The following B3GNT5 variants were observed in gnomAD, a reference collection of about 807,000 sequenced individuals.
The protein encoded by B3GNT5 is lactosylceramide 1,3-N-acetyl-beta-D-glucosaminyltransferase.
Under a neutral mutation model 25.9 loss-of-function variants are expected in B3GNT5, and 11 were observed. The ratio of observed to expected loss-of-function variants is 0.42; its 90% confidence interval spans 0.27 to 0.70. B3GNT5 has a LOEUF of 0.70. Among genes scored for constraint, B3GNT5 ranks in the 30% least tolerant of loss-of-function variants. B3GNT5 has a pLI of 0.23. For missense variants in B3GNT5, 385 were observed against 458.4 expected (o/e 0.84, Z 1.46); for synonymous variants, 166 against 158.6 (o/e 1.05, Z -0.35).
chr3:183,270,104 T>A lies in B3GNT5; in HGVS notation c.306T>A (p.Asp102Glu), dbSNP rs185863148. 4 of 1,614,144 alleles carry A rather than the reference T, an allele frequency of 2.5e-6. No homozygotes were observed. The East Asian group carries it at 8.9e-5, about 36-fold the overall frequency. ...TAAAAACTGCTCCTGAAAACTATGA[T>A]CGACGTTCCGGAATTAGAAGGACGT... ...LFVKTAPENY[D>E]RRSGIRRTWG... Residue 102 changes from aspartate (D) to glutamate (E), a missense_variant, in exon 2 of 2, where the codon GAT becomes GAA. Coordinates refer to ENST00000326505, the MANE Select transcript of B3GNT5 (RefSeq NM_032047.5). This position sits in a 1 kb window ranked among gnomAD's most constrained non-coding sequence, Gnocchi z 4.5.
In B3GNT5 at chr3:183,272,675, G is replaced by A; in HGVS notation, c.*1740G>A. ...TAGATCATTACAGTTTAAGTTTTCTGACCAATTAAAAAAACATAGAGAACA... is the reference window on the plus strand; with the variant it reads ...TAGATCATTACAGTTTAAGTTTTCTAACCAATTAAAAAAACATAGAGAACA... On this transcript the variant is annotated 3_prime_UTR_variant, in exon 2 of 2. Coordinates refer to ENST00000326505, the MANE Select transcript of B3GNT5 (RefSeq NM_032047.5). 4.0e-6 allele frequency: 4 copies of A among 1,005,246 alleles called. No homozygotes were observed. Among genetic ancestry groups the A allele is most frequent in the Non-Finnish European group, 4.8e-6 (4 of 833,244 alleles). 62.3% of individuals were successfully genotyped at this position (1,005,246 alleles called of 1,614,324 possible).
Position 183,270,828 on chromosome 3 carries a change from A to G in B3GNT5, c.1030A>G (p.Ile344Val). 6.2e-7 allele frequency: 1 copy of G among 1,613,780 alleles called. No individual in the cohort carries two copies. Among genetic ancestry groups the G allele is most frequent in the Non-Finnish European group, 8.5e-7 (1 of 1,179,848 alleles). Reference protein sequence around the residue: ...KNATDPKVKTISKGFFGQIYC... With the variant: ...KNATDPKVKTVSKGFFGQIYC... ...TGCTACAGATCCTAAAGTAAAAACCATTTCCAAAGGTTTTTTTGGTCAAAT... is the reference window on the plus strand; with the variant it reads ...TGCTACAGATCCTAAAGTAAAAACCGTTTCCAAAGGTTTTTTTGGTCAAAT... The change falls in exon 2 of 2, where the codon ATT becomes GTT. Residue 344 changes from isoleucine to valine, a missense_variant. Physicochemically the swap from Ile to Val is conservative, Grantham distance 29. Transcript: ENST00000326505. The surrounding 1 kb of genome is among the most constrained non-coding windows in gnomAD (Gnocchi z 4.5).
At chr3:183,259,586 CT>C (rs1448162554) in intron 1 of B3GNT5, among the ~76,000 whole-genome samples, 1 of 152,124 alleles carries the variant, frequency 6.6e-6, no homozygotes, top group East Asian at 1.9e-4. Context: ...AGAATGGCAG[CT>C]TTTCCAGGCC....
At chr3:183,259,195 A>G (rs1262419799) in intron 1 of B3GNT5, among the ~76,000 whole-genome samples, 2 of 152,210 alleles carry the variant, frequency 1.3e-5, no homozygotes, top group African/African-American at 4.8e-5. Flanking sequence ...TTTCTGGGGC[A>G]AAGCCAGCCT....
At position 183,270,620 on chromosome 3, in the gene B3GNT5, A is replaced by T; in HGVS notation, c.822A>T (p.Thr274=). ...VAAKVYEASQ[T]LNSSLYIDDV... ...CCAAAGTCTATGAGGCATCACAGAC[A>T]CTAAATTCAAGTCTTTACATAGACG... The change falls in exon 2 of 2, where the codon ACA becomes ACT. Residue 274 remains threonine (T), a synonymous_variant. Transcript: ENST00000326505. The surrounding 1 kb of genome is among the most constrained non-coding windows in gnomAD (Gnocchi z 4.5). 3 of 1,614,220 alleles carry T rather than the reference A, an allele frequency of 1.9e-6. No homozygotes were observed. The highest frequency in any genetic ancestry group is 2.5e-6 in the Non-Finnish European group (3 of 1,180,044).
intron 1 of B3GNT5, chr3:183,253,748 G>T (rs1323803031): frequency 2.0e-5 from 3 of 152,430 alleles, no homozygotes; most frequent in African/African-American, 7.2e-5. Flanking sequence ...CGTTCCCTGG[G>T]CGTAGGGCCC....
chr3:183,266,339 T>C (rs1726120427), intron 1 of B3GNT5, among the ~76,000 whole-genome samples: 1 of 152,202 alleles, frequency 6.6e-6, no homozygotes, highest in Non-Finnish European at 1.5e-5. Context: ...CTTTGATCCC[T>C]GAGATTCCAA....
intron 1 of B3GNT5, among the ~76,000 whole-genome samples, chr3:183,256,779 A>G (rs1725079361): frequency 6.6e-6 from 1 of 152,230 alleles, no homozygotes; most frequent in Non-Finnish European, 1.5e-5. Flanking sequence ...TTAGAGGACC[A>G]TATAATCTTA....
chr3:183,257,427 T>A (rs975571596), intron 1 of B3GNT5, among the ~76,000 whole-genome samples: 1 of 152,226 alleles, frequency 6.6e-6, no homozygotes, highest in South Asian at 2.1e-4. Context: ...ATCCTGCCCA[T>A]GGCCTACTAC....
rs753247799 is a variant in B3GNT5 at position 183,270,002 on chromosome 3, A to G, written c.204A>G (p.Ser68=). The change falls in exon 2 of 2, where the codon TCA becomes TCG. Residue 68 remains serine (S), a synonymous_variant. Coordinates refer to ENST00000326505, the MANE Select transcript of B3GNT5 (RefSeq NM_032047.5). The surrounding 1 kb of genome is among the most constrained non-coding windows in gnomAD (Gnocchi z 4.5). ...VNDTLSLKHT[S]AGPRYQYLIN... ...ATACCCTGTCTCTTAAGCACACCTC[A>G]GCGGGGCCTCGCTACCAATACTTGA... The G allele has an allele frequency of 6.8e-6, 11 of 1,614,032 alleles. No individual in the cohort carries two copies. In the African/African-American group the frequency reaches 1.3e-4, roughly 20 times the overall value.
intron 1 of B3GNT5, among the ~76,000 whole-genome samples, chr3:183,263,608 T>G (rs1725820041): frequency 6.6e-6 from 1 of 152,104 alleles, no homozygotes; most frequent in Admixed American, 6.5e-5. Context: ...TTATCCACAT[T>G]CATGAAATTA....
At chr3:183,258,978 G>A (rs1725337287) in intron 1 of B3GNT5, among the ~76,000 whole-genome samples, 1 of 152,120 alleles carries the variant, frequency 6.6e-6, no homozygotes, top group African/African-American at 2.4e-5. Context: ...ATTGTTTAGT[G>A]CATAATGACA....
rs1726323586 is a variant in B3GNT5, at chr3:183,267,951, G to C, written c.-301-1547G>C. Reference sequence around the variant, plus strand: ...CTACCAGGGGTCACACACTGAGCTGGATGCTGAGTGTAGGGTGTCCACAAC... The same window carrying C: ...CTACCAGGGGTCACACACTGAGCTGCATGCTGAGTGTAGGGTGTCCACAAC... On this transcript the variant is annotated intron_variant, in intron 1 of 1. Transcript: ENST00000326505. This position sits in a 1 kb window ranked among gnomAD's most constrained non-coding sequence, Gnocchi z 5.5. 6.6e-6 allele frequency among the ~76,000 whole-genome samples: 1 copy of C among 152,208 alleles called. No homozygotes were observed. Among genetic ancestry groups the C allele is most frequent in the East Asian group, 1.9e-4 (1 of 5,194 alleles).
At chr3:183,254,310 C>G (rs1057361350) in intron 1 of B3GNT5, 1 of 151,828 alleles carries the variant, frequency 6.6e-6, no homozygotes, top group Non-Finnish European at 1.5e-5. Flanking sequence ...TGGCCCGGAC[C>G]GCGCACGGCC....
intron 1 of B3GNT5, among the ~76,000 whole-genome samples, chr3:183,264,323 C>A (rs1725899637): frequency 6.6e-6 from 1 of 152,188 alleles, no homozygotes; most frequent in South Asian, 2.1e-4. Context: ...CTAATCCAAC[C>A]CCCACCGATT....
intron 1 of B3GNT5, among the ~76,000 whole-genome samples, chr3:183,255,503 T>G (rs1724961806): frequency 6.6e-6 from 1 of 152,172 alleles, no homozygotes; most frequent in Non-Finnish European, 1.5e-5. Flanking sequence ...GACTGAGCAC[T>G]CTGAGGAGGA....
At chr3:183,262,440 A>C (rs773670468) in intron 1 of B3GNT5, among the ~76,000 whole-genome samples, 1 of 151,948 alleles carries the variant, frequency 6.6e-6, no homozygotes, top group Non-Finnish European at 1.5e-5. Context: ...TTCACTGTGG[A>C]TTTTTTTCAG....
Position 183,271,526 on chromosome 3 carries a change from TAG to T in B3GNT5, c.*594_*595del, listed in dbSNP as rs765004234. 5.4e-5 allele frequency: 9 copies of T among 167,214 alleles called. No individual in the cohort carries two copies. The highest frequency in any genetic ancestry group is 1.0e-4 in the Non-Finnish European group (7 of 68,108). 10.4% of individuals were successfully genotyped at this position (167,214 alleles called of 1,614,324 possible). ...ACCACATCCATGTAGCTACTGGTGT[TAG>T]AGTCATTAAAATACCTTTTTTTGCA... On this transcript the variant is annotated 3_prime_UTR_variant, in exon 2 of 2. Coordinates refer to ENST00000326505, the MANE Select transcript of B3GNT5 (RefSeq NM_032047.5).
intron 1 of B3GNT5, among the ~76,000 whole-genome samples, chr3:183,262,659 G>A (rs1306988788): frequency 6.6e-6 from 1 of 151,590 alleles, no homozygotes; most frequent in South Asian, 2.1e-4. Context: ...AGGAGCTGAT[G>A]GTGTGTCTGA....
Sources: gnomAD v4.1 joint callset for allele counts (sites outside exome capture counted in the v4.1 genomes callset) on GRCh38, gnomAD v4.1.1 for gene constraint, Gnocchi (gnomAD v3.1) non-coding constraint, MANE v1.5 for transcripts, NCBI Gene and HGNC (gene_info 2026-07-23, HGNC 2026-07-21) for gene names.